Variants in PPAT observed in about 807,000 individuals in gnomAD.
The protein encoded by PPAT is phosphoribosyl pyrophosphate amidotransferase, also known as amidophosphoribosyltransferase.
Under a neutral mutation model 60.2 loss-of-function variants are expected in PPAT, and 20 were observed. The ratio of observed to expected loss-of-function variants is 0.33; its 90% CI spans 0.23 to 0.48. The LOEUF is 0.48. Ranked by LOEUF, PPAT falls within the 20% of genes least tolerant of loss-of-function variation. The pLI is 0.99. For synonymous variants in PPAT, 194 were observed against 215.1 expected, an observed-to-expected ratio of 0.90 and a Z score of 0.86; for missense variants, 349 against 629.6, an observed-to-expected ratio of 0.55 and a Z score of 4.77.
chr4:56,408,326 T>A (rs537304888), intron 1 of PPAT: 2 of 151,236 alleles, frequency 1.3e-5, no homozygotes, highest in East Asian at 3.9e-4. Context: ...TCCCAGCTAC[T>A]CAGGAGGCTG....
chr4:56,415,414 TCA>T, intron 1 of PPAT, among the ~76,000 whole-genome samples: 1 of 152,342 alleles, frequency 6.6e-6, no homozygotes, highest in East Asian at 1.9e-4. Flanking sequence ...TTCATCCTCC[TCA>T]TTTGATCACT....
At chr4:56,432,702 G>A (rs984646656) in intron 1 of PPAT, among the ~76,000 whole-genome samples, 4 of 150,648 alleles carry the variant, frequency 2.7e-5, no homozygotes, top group African/African-American at 9.8e-5. Context: ...GGAGAATGGC[G>A]TGAACCCGGG....
chr4:56,407,880 T>C (rs1716287355), intron 1 of PPAT, among the ~76,000 whole-genome samples, 164 bp from the exon 2 acceptor site: 1 of 152,240 alleles, frequency 6.6e-6, no homozygotes, highest in Admixed American at 6.5e-5. Context: ...CTGATGCTGA[T>C]GATTAGCAAT....
chr4:56,406,967 A>T (rs541872827), intron 2 of PPAT, among the ~76,000 whole-genome samples: 10 of 152,374 alleles, frequency 6.6e-5, no homozygotes, highest in South Asian at 2.1e-4. Context: ...GTGGCATTTA[A>T]TACCTTCACA....
At chr4:56,418,238 G>C (rs2110054760) in intron 1 of PPAT, among the ~76,000 whole-genome samples, 1 of 152,264 alleles carries the variant, frequency 6.6e-6, no homozygotes, top group East Asian at 1.9e-4. Flanking sequence ...GGGAGGTTCA[G>C]GCTGCAATGA....
intron 8 of PPAT, 23 bp downstream of exon 8, chr4:56,400,761 G>T (rs759939563): frequency 6.2e-7 from 1 of 1,603,398 alleles, no homozygotes; most frequent in Non-Finnish European, 8.5e-7. Context: ...GCAATTCACT[G>T]CATGTTAATT....
intron 10 of PPAT, 48 bp from the exon 11 acceptor site, chr4:56,395,596 AG>A: frequency 7.3e-7 from 1 of 1,362,542 alleles, no homozygotes; most frequent in South Asian, 1.7e-5. Context: ...TCCTTTAGAA[AG>A]GAAGAAACGC....
chr4:56,431,582 G>A, intron 1 of PPAT: 1 of 909,926 alleles, frequency 1.1e-6, no homozygotes, highest in Non-Finnish European at 1.3e-6. Flanking sequence ...GTATGAAAAT[G>A]TTTGTCATTG....
intron 1 of PPAT, among the ~76,000 whole-genome samples, chr4:56,418,178 T>C (rs1303822796): frequency 6.6e-6 from 1 of 152,122 alleles, no homozygotes; most frequent in Non-Finnish European, 1.5e-5. Flanking sequence ...ATGTCATGCA[T>C]GGTAGCGTGT....
At chr4:56,431,047 A>C (rs771516282) in intron 1 of PPAT, among the ~76,000 whole-genome samples, 40 of 152,186 alleles carry the variant, frequency 2.6e-4, no homozygotes, top group Non-Finnish European at 4.7e-4. Flanking sequence ...TTAAAGCAAG[A>C]ATCACTGAAT....
chr4:56,427,104 T>C (rs1427907203), intron 1 of PPAT, among the ~76,000 whole-genome samples: 2 of 152,256 alleles, frequency 1.3e-5, no homozygotes, highest in African/African-American at 2.4e-5. Flanking sequence ...ATTGTATGGA[T>C]ACACCATTTT....
chr4:56,406,277 A>G (rs1446428312), intron 3 of PPAT, among the ~76,000 whole-genome samples: 1 of 152,220 alleles, frequency 6.6e-6, no homozygotes, highest in African/African-American at 2.4e-5. Context: ...AAGTGAGTCT[A>G]AAATGCATAT....
At position 56,435,533 on chromosome 4, in the gene PPAT, A is replaced by G. The variant is rs1578142301; in HGVS notation, c.-56T>C. The G allele has an allele frequency of 2.5e-6, 4 of 1,610,816 alleles. No homozygotes were observed. Among genetic ancestry groups the G allele is most frequent in the Non-Finnish European group, 3.4e-6 (4 of 1,178,972 alleles). ...CCGCTGCGGCCAAGGTGTAAGCACCAACCAGCTGCCAGCTCGGCCCGTCGA... is the reference window on the plus strand; with the variant it reads ...CCGCTGCGGCCAAGGTGTAAGCACCGACCAGCTGCCAGCTCGGCCCGTCGA... On this transcript the variant is annotated 5_prime_UTR_variant, in exon 1 of 11. Transcript: ENST00000264220.
intron 1 of PPAT, among the ~76,000 whole-genome samples, chr4:56,418,414 G>A (rs115051050): frequency 0.025 from 3,803 of 152,126 alleles, 78 homozygotes; most frequent in Non-Finnish European, 0.033. Context: ...CCACCTCCCC[G>A]ACTCAAGCAA....
At chr4:56,427,725 T>C (rs1288205826) in intron 1 of PPAT, among the ~76,000 whole-genome samples, 1 of 152,068 alleles carries the variant, frequency 6.6e-6, no homozygotes, top group Admixed American at 6.6e-5. Flanking sequence ...AGGAACTCAC[T>C]GTTAGAAAGC....
chr4:56,402,929 T>C (rs1012229675), intron 5 of PPAT, 111 bp downstream of exon 5: 6 of 911,774 alleles, frequency 6.6e-6, no homozygotes, highest in Non-Finnish European at 7.7e-6. Flanking sequence ...TTTTCTTACC[T>C]AGCTCCCTCC....
At position 56,434,675 on chromosome 4, in the gene PPAT, G is replaced by T. The variant is rs75592337; in HGVS notation, c.128+675C>A. Among the ~76,000 whole-genome samples the T allele has an allele frequency of 1.4e-3, 210 of 152,202 alleles. 1 individual carries two copies. The highest frequency in any genetic ancestry group is 4.9e-3 in the African/African-American group (204 of 41,518). ...TATTACCAACGTTTTCATTCATTAG[G>T]CAAGACGTCTACCAATGAATCTTTT... On this transcript the variant is annotated intron_variant, in intron 1 of 10. Transcript: ENST00000264220.
intron 3 of PPAT, among the ~76,000 whole-genome samples, chr4:56,404,757 G>A (rs774243996): frequency 1.3e-5 from 2 of 152,110 alleles, no homozygotes; most frequent in Non-Finnish European, 2.9e-5. Flanking sequence ...TAATGCCTAT[G>A]AACAGGGCTG....
At chr4:56,416,058 A>T (rs1716718274) in intron 1 of PPAT, among the ~76,000 whole-genome samples, 1 of 106,454 alleles carries the variant, frequency 9.4e-6, no homozygotes. Context: ...CGACAGAGTA[A>T]GACTCTGTCT....
Sources: gnomAD v4.1 joint callset for allele counts (sites outside exome capture counted in the v4.1 genomes callset) on GRCh38, gnomAD v4.1.1 for gene constraint, MANE v1.5 for transcripts, NCBI Gene and HGNC (gene_info 2026-07-23, HGNC 2026-07-21) for gene names.